RASSF3: variants seen among roughly 807,000 people sequenced by gnomAD.
RASSF3 encodes the protein Ras association domain family member 3.
RASSF3 carries 19 observed loss-of-function variants against 19.9 expected under a neutral mutation model. The observed-to-expected ratio is 0.96, with a 90% CI of 0.67 to 1.40. The LOEUF (loss-of-function observed/expected upper bound fraction) is 1.40, where lower values mean the gene tolerates loss of function less well. Ranked by LOEUF, RASSF3 falls within the 40% of genes most tolerant of loss-of-function variation. The probability of loss-of-function intolerance (pLI) is 0.00; values close to 1 mark genes in which losing one functional copy is unlikely to be tolerated. For missense variants in RASSF3, 306 were observed against 289.8 expected, an observed-to-expected ratio of 1.06 and a Z score of -0.41; for synonymous variants, 110 against 104.2, an observed-to-expected ratio of 1.06 and a Z score of -0.34.
chr12:64,635,901 G>A (rs1871313076), intron 1 of RASSF3, among the ~76,000 whole-genome samples: 1 of 151,948 alleles, frequency 6.6e-6, no homozygotes, highest in Non-Finnish European at 1.5e-5. Flanking sequence ...GATAGAGAGG[G>A]GGATGGGAAC....
chr12:64,609,934 C>A (rs1294404252), upstream of RASSF3, among the ~76,000 whole-genome samples: 1 of 152,182 alleles, frequency 6.6e-6, no homozygotes, highest in Non-Finnish European at 1.5e-5. Flanking sequence ...ATAAACTCAA[C>A]CCAGTTTTTG....
chr12:64,578,793 C>CCA (rs1055701743), intron 2 of RASSF3, among the ~76,000 whole-genome samples: 11 of 152,336 alleles, frequency 7.2e-5, no homozygotes, highest in African/African-American at 2.4e-4. Flanking sequence ...CAGGCATCAG[C>CCA]CACACTGGGA....
chr12:64,693,603 G>A (rs1368964265), intron 4 of RASSF3, among the ~76,000 whole-genome samples: 1 of 152,002 alleles, frequency 6.6e-6, no homozygotes, highest in Non-Finnish European at 1.5e-5. Flanking sequence ...ATTTTTTGTA[G>A]CGACCTGGTG....
At chr12:64,649,166 TC>T (rs1871847883) in intron 1 of RASSF3, among the ~76,000 whole-genome samples, 1 of 150,748 alleles carries the variant, frequency 6.6e-6, no homozygotes, top group South Asian at 2.1e-4. Flanking sequence ...TAATTGGTGT[TC>T]TTGGGGTCTC....
rs1216705202 is a variant in RASSF3 at position 64,696,184 on chromosome 12, G to A, written c.*1272G>A. 1 of 136,650 alleles carries A rather than the reference G, an allele frequency of 7.3e-6. No individual in the cohort carries two copies. The highest frequency in any genetic ancestry group is 2.4e-4 in the East Asian group (1 of 4,110). 8.5% of individuals were successfully genotyped at this position (136,650 alleles called of 1,614,324 possible). ...CATTGAAATCTGTTCTTACATAATA[G>A]AGAACAGGGCTATTGAATAAAGACC... On this transcript the variant is annotated 3_prime_UTR_variant, in exon 5 of 5. Coordinates refer to ENST00000542104, the MANE Select transcript of RASSF3 (RefSeq NM_178169.4).
chr12:64,570,727 A>C (rs2335539), intron 2 of RASSF3, among the ~76,000 whole-genome samples: 151,700 of 152,250 alleles, frequency 1, 75,578 homozygotes, highest in Middle Eastern at 1. Flanking sequence ...ACAATACCCA[A>C]AAGAATCGAA....
At chr12:64,560,741 A>G (rs1265834331) in intron 2 of RASSF3, among the ~76,000 whole-genome samples, 1 of 152,214 alleles carries the variant, frequency 6.6e-6, no homozygotes, top group Non-Finnish European at 1.5e-5. Flanking sequence ...AGAAGCTAAG[A>G]TGGGATTGGA....
rs557684978 is a variant in RASSF3 at position 64,516,335 on chromosome 12, A to C, written c.169+9006A>C. On this transcript the variant is annotated intron_variant, in intron 1 of 5. Coordinates refer to the RASSF3 transcript ENST00000637125. ...TGAAAATTTTTGGAAAGGAAAAGAT[A>C]CCGGCCGGGCGCGGTGGCTCACGCC... is the stretch of plus-strand genomic sequence containing the variant. 7.2e-5 allele frequency among the ~76,000 whole-genome samples: 11 copies of C among 152,302 alleles called. No homozygotes were observed. The East Asian group carries it at 2.1e-3, about 29-fold the overall frequency.
chr12:64,531,612 ACTC>A (rs932290611), upstream of RASSF3, among the ~76,000 whole-genome samples: 5 of 152,018 alleles, frequency 3.3e-5, no homozygotes, highest in Non-Finnish European at 5.9e-5. Context: ...TTCCATAATA[ACTC>A]CCAGTTTTGT....
At chr12:64,550,951 C>G (rs1020891919) in intron 2 of RASSF3, among the ~76,000 whole-genome samples, 1 of 152,080 alleles carries the variant, frequency 6.6e-6, no homozygotes, top group African/African-American at 2.4e-5. Context: ...CACAGCACCC[C>G]ACCTCCACCC....
chr12:64,619,025 T>C (rs1324090905), intron 1 of RASSF3, among the ~76,000 whole-genome samples: 1 of 152,210 alleles, frequency 6.6e-6, no homozygotes, highest in Non-Finnish European at 1.5e-5. Context: ...GTAAATTTAA[T>C]GTTACTTATT....
At chr12:64,607,696 T>G (rs1334988453), upstream of RASSF3, among the ~76,000 whole-genome samples, 1 of 152,168 alleles carries the variant, frequency 6.6e-6, no homozygotes, top group Non-Finnish European at 1.5e-5. Flanking sequence ...TTATGTTTTT[T>G]TTGTTGCTTA....
chr12:64,524,063 T>A (rs1175635567), intron 1 of RASSF3, among the ~76,000 whole-genome samples: 1 of 149,442 alleles, frequency 6.7e-6, no homozygotes, highest in Non-Finnish European at 1.5e-5. Flanking sequence ...TTTTTTTTTT[T>A]TTTTTTGAGA....
At chr12:64,674,530 G>A (rs754802363) in intron 1 of RASSF3, among the ~76,000 whole-genome samples, 4 of 152,156 alleles carry the variant, frequency 2.6e-5, no homozygotes, top group African/African-American at 9.7e-5. Context: ...GCAGTGAGCC[G>A]ATGTGGCCCC....
intron 1 of RASSF3, among the ~76,000 whole-genome samples, chr12:64,673,203 T>A (rs941762994): frequency 3.3e-5 from 5 of 152,234 alleles, no homozygotes; most frequent in Admixed American, 6.5e-5. Context: ...TGGCTTTTGA[T>A]TGCTGTTAGC....
At chr12:64,533,893 G>A (rs73122398) in intron 1 of RASSF3, among the ~76,000 whole-genome samples, 33,794 of 152,128 alleles carry the variant, frequency 0.22, 4,312 homozygotes, top group Admixed American at 0.34. Flanking sequence ...GGTAGAGCTT[G>A]GGGCTTCCTG....
At chr12:64,658,668 G>T (rs1430010713) in intron 1 of RASSF3, among the ~76,000 whole-genome samples, 2 of 152,096 alleles carry the variant, frequency 1.3e-5, no homozygotes, top group Non-Finnish European at 2.9e-5. Context: ...AAGTATGGTG[G>T]CATACACCTG....
intron 2 of RASSF3, among the ~76,000 whole-genome samples, chr12:64,567,333 G>T (rs1389506443): frequency 6.6e-6 from 1 of 152,160 alleles, no homozygotes; most frequent in Non-Finnish European, 1.5e-5. Context: ...CTACCTGGGG[G>T]TCACAAACAA....
Position 64,694,957 on chromosome 12 carries a change from A to G in RASSF3, c.*45A>G, listed in dbSNP as rs1444626559. On this transcript the variant is annotated 3_prime_UTR_variant, in exon 5 of 5. Coordinates refer to ENST00000542104, the MANE Select transcript of RASSF3 (RefSeq NM_178169.4). ...GAGGCCCGGTGCAGGACCGATGTAC[A>G]AAACAGCAGCAAGTGCCTCTCTTCT... The G allele has an allele frequency of 1.3e-5, 20 of 1,594,764 alleles. No individual in the cohort carries two copies. The highest frequency in any genetic ancestry group is 1.5e-5 in the Non-Finnish European group (17 of 1,168,996).
Sources: gnomAD v4.1 joint callset for allele counts (sites outside exome capture counted in the v4.1 genomes callset) on GRCh38, gnomAD v4.1.1 for gene constraint, MANE v1.5 for transcripts, NCBI Gene and HGNC (gene_info 2026-07-23, HGNC 2026-07-21) for gene names.